Variants in YAP1 observed in about 807,000 individuals in gnomAD.
YAP1 encodes the protein Yes1 associated transcriptional regulator, also known as transcriptional coactivator YAP1.
YAP1 carries 5 observed loss-of-function variants against 56.9 expected under a neutral mutation model. That is an observed-to-expected ratio of 0.09 (90% CI 0.05 to 0.18). The LOEUF is 0.18. YAP1 is among the 10% of genes least tolerant of loss of function. YAP1 has a pLI of 1.00. For synonymous variants in YAP1, 265 were observed against 248.1 expected (o/e 1.07, Z -0.64); for missense variants, 539 against 651.8 (o/e 0.83, Z 1.88).
At chr11:102,218,118 A>G (rs987793696) in intron 6 of YAP1, among the ~76,000 whole-genome samples, 6 of 152,222 alleles carry the variant, frequency 3.9e-5, no homozygotes, top group African/African-American at 1.4e-4. Flanking sequence ...AAGCTTTTCA[A>G]AATTTACTTG....
In YAP1 at chr11:102,227,502, C is replaced by T; in HGVS notation, c.1197C>T (p.Asp399=). Residue 399 remains aspartate, a synonymous_variant, in exon 8 of 9, where the codon GAC becomes GAT. Coordinates refer to ENST00000282441, the MANE Select transcript of YAP1 (RefSeq NM_001130145.3). ...GTYHSRDEST[D]SGLSMSSYSV... is the part of the protein sequence containing the mutation. The stretch of plus-strand genomic sequence containing the variant: ...ATCACTCTCGAGATGAGAGTACAGA[C>T]AGTGGACTAAGCATGAGCAGCTACA... The T allele has an allele frequency of 1.2e-6, 2 of 1,613,934 alleles. No homozygotes were observed. The highest frequency in any genetic ancestry group is 1.7e-6 in the Non-Finnish European group (2 of 1,179,938).
intron 2 of YAP1, among the ~76,000 whole-genome samples, chr11:102,125,227 G>T (rs1004936017): frequency 4.0e-5 from 6 of 151,768 alleles, no homozygotes; most frequent in Admixed American, 3.9e-4. Flanking sequence ...TTACCATGTT[G>T]CCCAGGCTGG....
intron 3 of YAP1, among the ~76,000 whole-genome samples, chr11:102,180,449 G>A (rs1275538112): frequency 2.0e-5 from 3 of 151,754 alleles, no homozygotes; most frequent in Non-Finnish European, 2.9e-5. Context: ...TTGGGAGGCC[G>A]AGGCAGGTGG....
chr11:102,199,357 A>T (rs1397559213), intron 4 of YAP1, among the ~76,000 whole-genome samples: 1 of 152,226 alleles, frequency 6.6e-6, no homozygotes, highest in East Asian at 1.9e-4. Flanking sequence ...TTGGTAACAG[A>T]TAAGAGCAAT....
intron 4 of YAP1, among the ~76,000 whole-genome samples, chr11:102,198,791 A>G (rs909436835): frequency 1.3e-5 from 2 of 152,208 alleles, no homozygotes; most frequent in Non-Finnish European, 2.9e-5. Flanking sequence ...CACACTGTAT[A>G]AAATGTTTCT....
chr11:102,116,052 C>T (rs1156925988), intron 2 of YAP1, among the ~76,000 whole-genome samples: 1 of 152,110 alleles, frequency 6.6e-6, no homozygotes, highest in African/African-American at 2.4e-5. Context: ...CCTACGATTT[C>T]ATTATTTTGA....
intron 2 of YAP1, among the ~76,000 whole-genome samples, chr11:102,126,952 G>C (rs1944067832): frequency 6.6e-6 from 1 of 152,202 alleles, no homozygotes; most frequent in South Asian, 2.1e-4. Flanking sequence ...GTGGCAGTTT[G>C]CCCTTGCCCT....
intron 6 of YAP1, among the ~76,000 whole-genome samples, chr11:102,218,443 T>C (rs935006005): frequency 6.6e-6 from 1 of 152,196 alleles, no homozygotes; most frequent in African/African-American, 2.4e-5. Flanking sequence ...GCAAGAAAAA[T>C]AGTCTATATA....
intron 2 of YAP1, among the ~76,000 whole-genome samples, chr11:102,152,599 A>G (rs1945721773): frequency 6.6e-6 from 1 of 152,080 alleles, no homozygotes; most frequent in Non-Finnish European, 1.5e-5. Context: ...TCTTTCTGAC[A>G]TTGTATTCTT....
intron 6 of YAP1, among the ~76,000 whole-genome samples, chr11:102,222,517 T>G (rs1353710038): frequency 6.6e-6 from 1 of 152,198 alleles, no homozygotes; most frequent in East Asian, 1.9e-4. Flanking sequence ...TGGAAGCCCT[T>G]GAAGGCAGGC....
intron 1 of YAP1, chr11:102,112,607 G>T (rs1943023733): frequency 1.0e-6 from 1 of 984,984 alleles, no homozygotes; most frequent in African/African-American, 1.8e-5. Context: ...CAGGCCTGTT[G>T]TATAGTCTCC....
intron 1 of YAP1, chr11:102,112,290 A>G (rs1942987234): frequency 1.6e-6 from 1 of 614,254 alleles, no homozygotes; most frequent in Middle Eastern, 8.5e-4. Context: ...CCACATACAC[A>G]ATGTTCGATT....
At chr11:102,166,473 G>A (rs1946616897) in intron 3 of YAP1, among the ~76,000 whole-genome samples, 1 of 152,144 alleles carries the variant, frequency 6.6e-6, no homozygotes, top group Non-Finnish European at 1.5e-5. Context: ...TTCTCTACTT[G>A]GAAAAATGAT....
At chr11:102,189,838 CTTCT>C (rs1948182450) in intron 4 of YAP1, among the ~76,000 whole-genome samples, 2 of 152,112 alleles carry the variant, frequency 1.3e-5, no homozygotes, top group Non-Finnish European at 2.9e-5. Flanking sequence ...GTTGTTGAGA[CTTCT>C]TTTTCATCAG....
chr11:102,193,242 A>G (rs938955357), intron 4 of YAP1, among the ~76,000 whole-genome samples: 1 of 152,178 alleles, frequency 6.6e-6, no homozygotes, highest in African/African-American at 2.4e-5. Context: ...AAAAGCAAGC[A>G]TTTGCTTAAA....
At position 102,227,584 on chromosome 11, in the gene YAP1, T is replaced by A. The variant is rs1318624751; in HGVS notation, c.1276+3T>A. The A allele has an allele frequency of 6.2e-7, 1 of 1,600,802 alleles. No individual in the cohort carries two copies. Among genetic ancestry groups the A allele is most frequent in the Non-Finnish European group, 8.6e-7 (1 of 1,168,642 alleles). On this transcript the variant is annotated splice_donor_region_variant and intron_variant, in intron 8 of 8. Coordinates refer to ENST00000282441, the MANE Select transcript of YAP1 (RefSeq NM_001130145.3). ...CAGTGTGGATGAGATGGATACAGGT[T>A]GGTATTCTTTATTCCTCTTAGTAAC...
intron 1 of YAP1, among the ~76,000 whole-genome samples, chr11:102,111,913 A>G (rs1026338419): frequency 6.6e-6 from 1 of 150,524 alleles, no homozygotes; most frequent in Non-Finnish European, 1.5e-5. Context: ...CCCTGCCCAG[A>G]CTTTCCTGGA....
At chr11:102,192,357 T>C (rs1210786655) in intron 4 of YAP1, among the ~76,000 whole-genome samples, 4 of 152,232 alleles carry the variant, frequency 2.6e-5, no homozygotes, top group African/African-American at 9.6e-5. Flanking sequence ...TAGTGTTTCA[T>C]ATGTACATTA....
chr11:102,150,508 G>A (rs992343848), intron 2 of YAP1, among the ~76,000 whole-genome samples: 1 of 152,078 alleles, frequency 6.6e-6, no homozygotes, highest in Non-Finnish European at 1.5e-5. Flanking sequence ...AATTAAGCCT[G>A]CATTATATAA....
Sources: allele counts gnomAD v4.1 joint callset (sites outside exome capture counted in the v4.1 genomes callset), GRCh38; gene constraint gnomAD v4.1.1; transcripts MANE v1.5; gene names NCBI Gene and HGNC (gene_info 2026-07-23, HGNC 2026-07-21).